The following RSPH4A variants were observed in gnomAD, a reference collection of about 807,000 sequenced individuals.
The protein encoded by RSPH4A is radial spoke head protein 4 homolog A.
A neutral mutation model predicts 71.0 loss-of-function variants in RSPH4A; 47 were observed. The ratio of observed to expected loss-of-function variants is 0.66; its 90% CI spans 0.52 to 0.84. The LOEUF is 0.84. Ranked by LOEUF, RSPH4A falls within the 40% of genes least tolerant of loss-of-function variation. RSPH4A has a pLI of 0.00. For missense variants in RSPH4A, 793 were observed against 855.2 expected (o/e 0.93, Z 0.91); for synonymous variants, 282 against 302.3 (o/e 0.93, Z 0.70).
At position 116,632,266 on chromosome 6, in the gene RSPH4A, C is replaced by G. The variant is rs372634959; in HGVS notation, c.1976C>G (p.Pro659Arg). 1.2e-6 allele frequency: 2 copies of G among 1,612,292 alleles called. No individual in the cohort carries two copies. Among genetic ancestry groups the G allele is most frequent in the Non-Finnish European group, 1.7e-6 (2 of 1,179,744 alleles). The change falls in exon 6 of 6, where the codon CCC becomes CGC. Residue 659 changes from proline (P) to arginine (R), a missense_variant. Physicochemically the swap from Pro to Arg is moderately radical, Grantham distance 103. Transcript: ENST00000229554. ...AAGTATAGTCCAGACAATTATACAC[C>G]CCCAGTTCCACCACCAGTTTATCAA... Reference protein sequence around the residue: ...GHKYSPDNYTPPVPPPVYQEY... With the variant: ...GHKYSPDNYTRPVPPPVYQEY...
In RSPH4A at chr6:116,617,214, TG is replaced by T; in HGVS notation, c.596del (p.Gly199AlafsTer21). On this transcript the variant is annotated frameshift_variant, in exon 1 of 6. Transcript: ENST00000229554. LOFTEE classifies it high-confidence loss of function. ...SDYDLQQPAP[G>X]GSEVAPSMLE... ...ACTATGATTTACAGCAGCCGGCGCCTGGGGGCTCTGAAGTGGCCCCCAGCAT... is the reference window on the plus strand; with the variant it reads ...ACTATGATTTACAGCAGCCGGCGCCTGGGGCTCTGAAGTGGCCCCCAGCAT... 2 of 1,614,142 alleles carry T rather than the reference TG, an allele frequency of 1.2e-6. No homozygotes were observed. The highest frequency in any genetic ancestry group is 1.7e-6 in the Non-Finnish European group (2 of 1,180,008).
rs559207691 is a variant in RSPH4A at position 116,619,585 on chromosome 6, G to C, written c.686+2276G>C. On this transcript the variant is annotated intron_variant, in intron 1 of 5. Transcript: ENST00000229554. ...TAAATGCCTACTGAATCTACAATGTGGCAAATATTTGCAGCTATTACTAGG... is the reference window on the plus strand; with the variant it reads ...TAAATGCCTACTGAATCTACAATGTCGCAAATATTTGCAGCTATTACTAGG... Among the ~76,000 whole-genome samples the C allele has an allele frequency of 8.6e-5, 13 of 151,996 alleles. 1 individual carries two copies. The South Asian group carries it at 2.7e-3, about 32-fold the overall frequency.
At chr6:116,632,135 A>G in intron 5 of RSPH4A, 72 bp from the exon 6 acceptor site, 2 of 1,123,708 alleles carry the variant, frequency 1.8e-6, no homozygotes, top group South Asian at 2.7e-5. Context: ...GCACTTTAAT[A>G]TTACAGAAGG....
chr6:116,629,475 A>T, intron 3 of RSPH4A, 92 bp from the exon 4 acceptor site: 1 of 1,249,938 alleles, frequency 8.0e-7, no homozygotes, highest in Non-Finnish European at 1.2e-6. Context: ...AAATTCCCAC[A>T]GAGTTACACT....
chr6:116,619,325 TG>T (rs1287175373), intron 1 of RSPH4A, among the ~76,000 whole-genome samples: 4 of 152,132 alleles, frequency 2.6e-5, no homozygotes, highest in Non-Finnish European at 5.9e-5. Flanking sequence ...TCTTTTGAAA[TG>T]GGGGTCTTAT....
At chr6:116,621,143 A>G (rs1338953165) in intron 1 of RSPH4A, among the ~76,000 whole-genome samples, 2 of 152,182 alleles carry the variant, frequency 1.3e-5, no homozygotes, top group African/African-American at 4.8e-5. Context: ...ACAGGCAGCC[A>G]CTGCTCCCGG....
chr6:116,630,309 T>C (rs1478691448), intron 4 of RSPH4A, 126 bp from the exon 5 acceptor site: 1 of 745,292 alleles, frequency 1.3e-6, no homozygotes, highest in African/African-American at 1.7e-5. Flanking sequence ...TTTCTTTCTG[T>C]ATCAAGTATG....
In RSPH4A at chr6:116,630,662, T is replaced by C. The variant is rs566347787; in HGVS notation, c.1916+110T>C. 44 of 558,664 alleles carry C rather than the reference T, an allele frequency of 7.9e-5. 1 individual carries two copies. The highest frequency in any genetic ancestry group is 6.6e-4 in the South Asian group (38 of 57,466). The allele number at this position is 558,664 out of a possible 1,614,324, so 34.6% of individuals were successfully genotyped here. ...TATCGTTGTTTCTTTGGTTTTTTTT[T>C]TCGTGTTTTTTTTTTTTTTTTTTTT... On this transcript the variant is annotated intron_variant, in intron 5 of 5. Coordinates refer to ENST00000229554, the MANE Select transcript of RSPH4A (RefSeq NM_001010892.3).
chr6:116,628,479 T>C lies in RSPH4A; in HGVS notation c.1662+110T>C, dbSNP rs1440624863. On this transcript the variant is annotated intron_variant, in intron 3 of 5. Transcript: ENST00000229554. ...ATAAAGGCCTTTGGACTCTATTTAA[T>C]AGGCAGGAAAAGAGATAATTAAAAA... The C allele has an allele frequency of 3.5e-6, 3 of 853,276 alleles. No individual in the cohort carries two copies. The African/African-American group carries it at 5.1e-5, about 15-fold the overall frequency. 52.9% of individuals were successfully genotyped at this position (853,276 alleles called of 1,614,324 possible). A position where few individuals can be genotyped will look rare whatever the true frequency, so the allele number is the denominator to read the frequency against.
In RSPH4A at chr6:116,622,797, A is replaced by G; in HGVS notation, c.716A>G (p.Lys239Arg). The change falls in exon 2 of 6, where the codon AAG (lysine) becomes AGG (arginine). Residue 239 changes from lysine to arginine, a missense_variant. By Grantham distance (26) the Lys-to-Arg change is conservative (BLOSUM62 2). Coordinates refer to ENST00000229554, the MANE Select transcript of RSPH4A (RefSeq NM_001010892.3). ...LYDHLSNMLT[K>R]ILNERPENAV... ...GATCATCTTTCTAATATGTTGACCA[A>G]GATATTAAATGAGCGTCCTGAAAAT... 1 of 1,609,298 alleles carries G rather than the reference A, an allele frequency of 6.2e-7. No individual in the cohort carries two copies. The highest frequency in any genetic ancestry group is 8.5e-7 in the Non-Finnish European group (1 of 1,175,768).
chr6:116,632,720 A>C lies in RSPH4A; in HGVS notation c.*279A>C. The C allele has an allele frequency of 2.8e-6, 1 of 361,072 alleles. No individual in the cohort carries two copies. Among genetic ancestry groups the C allele is most frequent in the South Asian group, 2.7e-5 (1 of 36,378 alleles). The allele number at this position is 361,072 out of a possible 1,614,324, so 22.4% of individuals were successfully genotyped here. ...TGGATAATGGAATATGTGTTTGTAC[A>C]TTCCTGTTTTTAAAAGGGCTCAGGT... On this transcript the variant is annotated 3_prime_UTR_variant, in exon 6 of 6. Transcript: ENST00000229554.
At chr6:116,622,659 T>A in intron 1 of RSPH4A, 109 bp from the exon 2 acceptor site, 1 of 743,544 alleles carries the variant, frequency 1.3e-6, no homozygotes, top group South Asian at 1.6e-5. Context: ...TTTTTTTCTT[T>A]TTCATTTAAC....
rs1775777849 is a variant in RSPH4A at position 116,630,531 on chromosome 6, C to T, written c.1895C>T (p.Ala632Val). The stretch of plus-strand genomic sequence containing the variant: ...CTTCAATCCAACCTTTGGCCTGGAG[C>T]ATATGCCTTCTCCAATGGCAAGTAA... Reference protein sequence around the residue: ...AVLQSNLWPGAYAFSNGKKFE... With the variant: ...AVLQSNLWPGVYAFSNGKKFE... Residue 632 changes from alanine to valine, a missense_variant, in exon 5 of 6, where the codon GCA becomes GTA. Coordinates refer to ENST00000229554, the MANE Select transcript of RSPH4A (RefSeq NM_001010892.3). 6.4e-7 allele frequency: 1 copy of T among 1,569,962 alleles called. No individual in the cohort carries two copies.
rs1775503889 is a variant in RSPH4A, at chr6:116,616,513, A to G, written c.-111A>G. 1 of 949,068 alleles carries G rather than the reference A, an allele frequency of 1.1e-6. No homozygotes were observed. 58.8% of individuals were successfully genotyped at this position (949,068 alleles called of 1,614,324 possible). On this transcript the variant is annotated 5_prime_UTR_variant, in exon 1 of 6. Coordinates refer to ENST00000229554, the MANE Select transcript of RSPH4A (RefSeq NM_001010892.3). Reference sequence around the variant, plus strand: ...GGACGCAGCAACTCACAGAGCAACCAGGACCCAGAAATCGCTTAAGAGACC... The same window carrying G: ...GGACGCAGCAACTCACAGAGCAACCGGGACCCAGAAATCGCTTAAGAGACC...
At position 116,622,656 on chromosome 6, in the gene RSPH4A, C is replaced by A. The variant is rs1026818635; in HGVS notation, c.687-112C>A. 2.2e-5 allele frequency: 16 copies of A among 723,312 alleles called. No homozygotes were observed. The Admixed American group carries it at 3.3e-4, about 15-fold the overall frequency. 44.8% of individuals were successfully genotyped at this position (723,312 alleles called of 1,614,324 possible). A position where few individuals can be genotyped will look rare whatever the true frequency, so the allele number is the denominator to read the frequency against. On this transcript the variant is annotated intron_variant, in intron 1 of 5. Coordinates refer to ENST00000229554, the MANE Select transcript of RSPH4A (RefSeq NM_001010892.3). ...CCTAAGCTATATATTTTGTTTTTTT[C>A]TTTTTCATTTAACGTCTATATTTAT...
At chr6:116,626,891 TAATA>T (rs1775703812) in intron 2 of RSPH4A, among the ~76,000 whole-genome samples, 1 of 152,144 alleles carries the variant, frequency 6.6e-6, no homozygotes. Flanking sequence ...ACCATGCACT[TAATA>T]AATGTTTATT....
rs1341683294 is a variant in RSPH4A at position 116,616,920 on chromosome 6, G to A, written c.297G>A (p.Pro99=). ...EPSSSPSPLA[P]ARQDLAAPPQ... is the part of the protein sequence containing the mutation. Reference sequence around the variant, plus strand: ...CTTCCTCTCCTTCTCCCCTGGCTCCGGCCAGACAAGACCTCGCGGCACCAC... The same window carrying A: ...CTTCCTCTCCTTCTCCCCTGGCTCCAGCCAGACAAGACCTCGCGGCACCAC... The change falls in exon 1 of 6, where the codon CCG becomes CCA. Residue 99 remains proline (P), a synonymous_variant. Transcript: ENST00000229554. 1 of 1,614,156 alleles carries A rather than the reference G, an allele frequency of 6.2e-7. No individual in the cohort carries two copies. The highest frequency in any genetic ancestry group is 8.5e-7 in the Non-Finnish European group (1 of 1,180,030).
chr6:116,627,939 A>G lies in RSPH4A; in HGVS notation c.1232A>G (p.Tyr411Cys). Residue 411 changes from tyrosine (Y) to cysteine (C), a missense_variant, in exon 3 of 6, where the codon TAC (tyrosine) becomes TGC (cysteine). Tyr to Cys is a radical substitution (Grantham distance 194, BLOSUM62 -2). Transcript: ENST00000229554. ...DEEDELPKSF[Y>C]KAPQAIPKEE... is the part of the protein sequence containing the mutation. ...GAAGATGAATTACCAAAGTCCTTTT[A>G]CAAGGCCCCACAGGCTATACCAAAA... is the stretch of plus-strand genomic sequence containing the variant. 1.2e-6 allele frequency: 2 copies of G among 1,614,194 alleles called. No homozygotes were observed. Among genetic ancestry groups the G allele is most frequent in the East Asian group, 4.5e-5 (2 of 44,886 alleles).
intron 2 of RSPH4A, among the ~76,000 whole-genome samples, chr6:116,623,822 AAG>A (rs2115357386): frequency 2.0e-5 from 3 of 152,350 alleles, no homozygotes; most frequent in African/African-American, 7.2e-5. Flanking sequence ...GATGTAATAC[AAG>A]AGGAGAGGAG....
Sources: allele counts gnomAD v4.1 joint callset (sites outside exome capture counted in the v4.1 genomes callset), GRCh38; gene constraint gnomAD v4.1.1; transcripts MANE v1.5; gene names NCBI Gene and HGNC (gene_info 2026-07-23, HGNC 2026-07-21).